Variants in TMEM132D observed in about 807,000 individuals in gnomAD.
The protein encoded by TMEM132D is transmembrane protein 132D.
Under a neutral mutation model 62.3 loss-of-function variants are expected in TMEM132D, and 21 were observed. That is an observed-to-expected ratio of 0.34 (90% CI 0.24 to 0.49). The LOEUF (loss-of-function observed/expected upper bound fraction) is 0.49, where lower values mean the gene tolerates loss of function less well. Among genes scored for constraint, TMEM132D ranks in the 20% least tolerant of loss-of-function variants. The pLI, the probability that TMEM132D is intolerant of heterozygous loss-of-function variation, is 0.99. For synonymous variants in TMEM132D, 621 were observed against 575.6 expected, an observed-to-expected ratio of 1.08 and a Z score of -1.13; for missense variants, 1,346 against 1,402.8, an observed-to-expected ratio of 0.96 and a Z score of 0.65.
chr12:129,525,774 C>T (rs1876015279), intron 3 of TMEM132D, among the ~76,000 whole-genome samples: 1 of 152,198 alleles, frequency 6.6e-6, no homozygotes, highest in East Asian at 1.9e-4. Context: ...ATCACATTTT[C>T]TGGATCTCAC....
At chr12:129,650,117 A>G (rs1285734218) in intron 2 of TMEM132D, among the ~76,000 whole-genome samples, 1 of 152,212 alleles carries the variant, frequency 6.6e-6, no homozygotes, top group Non-Finnish European at 1.5e-5. Flanking sequence ...CCTGCCACTT[A>G]TACAGATACA....
chr12:129,219,888 C>A (rs933833385), intron 4 of TMEM132D, among the ~76,000 whole-genome samples: 3 of 152,164 alleles, frequency 2.0e-5, no homozygotes, highest in African/African-American at 7.2e-5. Flanking sequence ...AGGGAGCTGG[C>A]CTTGCACCTT....
intron 1 of TMEM132D, among the ~76,000 whole-genome samples, chr12:129,730,897 G>C (rs1157695179): frequency 6.6e-6 from 1 of 151,932 alleles, no homozygotes; most frequent in Non-Finnish European, 1.5e-5. Flanking sequence ...CTGTGCTGTT[G>C]GTTTCCCTAC....
intron 1 of TMEM132D, among the ~76,000 whole-genome samples, chr12:129,883,434 A>G (rs568379685): frequency 3.9e-5 from 6 of 152,314 alleles, no homozygotes; most frequent in Admixed American, 2.0e-4. Context: ...ATTATTATTA[A>G]GATGGCAGTT....
chr12:129,157,625 A>T (rs966813510), intron 5 of TMEM132D, among the ~76,000 whole-genome samples: 1 of 152,250 alleles, frequency 6.6e-6, no homozygotes, highest in Non-Finnish European at 1.5e-5. Flanking sequence ...ATGAAACACA[A>T]ATTATATAAA....
At chr12:129,297,586 T>C (rs139038372) in intron 4 of TMEM132D, among the ~76,000 whole-genome samples, 178 of 152,240 alleles carry the variant, frequency 1.2e-3, no homozygotes, top group African/African-American at 3.9e-3. Context: ...TCCTTTCCAG[T>C]TTAAGGTGCT....
chr12:129,558,611 G>T (rs958801316), intron 2 of TMEM132D, among the ~76,000 whole-genome samples: 1 of 152,132 alleles, frequency 6.6e-6, no homozygotes, highest in Non-Finnish European at 1.5e-5. Context: ...TTGGCAGACC[G>T]TAACCCAGGA....
intron 3 of TMEM132D, among the ~76,000 whole-genome samples, chr12:129,426,880 C>A (rs752227447): frequency 1.3e-5 from 2 of 152,162 alleles, no homozygotes; most frequent in Non-Finnish European, 2.9e-5. Context: ...GCCTTCAAAG[C>A]GCATGTGTTA....
At chr12:129,848,801 C>T (rs1369772466) in intron 1 of TMEM132D, among the ~76,000 whole-genome samples, 1 of 152,190 alleles carries the variant, frequency 6.6e-6, no homozygotes, top group African/African-American at 2.4e-5. Flanking sequence ...GTTCAGGTCC[C>T]ATCAGCACAT....
At chr12:129,269,916 C>T (rs896230998) in intron 4 of TMEM132D, among the ~76,000 whole-genome samples, 1 of 152,062 alleles carries the variant, frequency 6.6e-6, no homozygotes, top group East Asian at 1.9e-4. Flanking sequence ...GCAATGCAAC[C>T]AAGGCGTCTG....
intron 3 of TMEM132D, among the ~76,000 whole-genome samples, chr12:129,497,920 G>A (rs1478688982): frequency 2.0e-5 from 3 of 151,872 alleles, no homozygotes; most frequent in South Asian, 2.1e-4. Flanking sequence ...CTCCACTTCC[G>A]AAAGGGCTAA....
intron 2 of TMEM132D, among the ~76,000 whole-genome samples, chr12:129,539,864 G>A (rs1164316361): frequency 3.3e-5 from 5 of 152,202 alleles, no homozygotes; most frequent in Middle Eastern, 3.4e-3. Context: ...AGCCAGAAAC[G>A]GGCTAGCCAC....
rs1376659962 is a variant in TMEM132D, at chr12:129,073,718, C to T, written c.*157G>A. On this transcript the variant is annotated 3_prime_UTR_variant, in exon 9 of 9. Coordinates refer to ENST00000422113, the MANE Select transcript of TMEM132D (RefSeq NM_133448.3). ...GTGTGCGTCGATGCGGACTCCAGGC[C>T]TCGCCGCCGAGCCGGGGTCATTGGC... 2 of 635,592 alleles carry T rather than the reference C, an allele frequency of 3.1e-6. No homozygotes were observed. The highest frequency in any genetic ancestry group is 4.4e-4 in the Middle Eastern group (1 of 2,290). 39.4% of individuals were successfully genotyped at this position (635,592 alleles called of 1,614,324 possible). A position where few individuals can be genotyped will look rare whatever the true frequency, so the allele number is the denominator to read the frequency against.
At chr12:129,843,612 G>A (rs1873267517) in intron 1 of TMEM132D, among the ~76,000 whole-genome samples, 1 of 152,162 alleles carries the variant, frequency 6.6e-6, no homozygotes, top group South Asian at 2.1e-4. Flanking sequence ...TGTACGAGCG[G>A]AAACAGGGAC....
At chr12:129,828,343 T>C (rs1872716057) in intron 1 of TMEM132D, among the ~76,000 whole-genome samples, 1 of 152,156 alleles carries the variant, frequency 6.6e-6, no homozygotes, top group Non-Finnish European at 1.5e-5. Flanking sequence ...AATGTTATAT[T>C]GCATACATTT....
intron 2 of TMEM132D, among the ~76,000 whole-genome samples, chr12:129,606,013 G>C (rs997501590): frequency 6.6e-6 from 1 of 151,936 alleles, no homozygotes; most frequent in African/African-American, 2.4e-5. Context: ...CCATTGAGGT[G>C]GAACAAGAAC....
chr12:129,881,444 G>A (rs1874592701), intron 1 of TMEM132D, among the ~76,000 whole-genome samples: 1 of 151,594 alleles, frequency 6.6e-6, no homozygotes, highest in Admixed American at 6.6e-5. Flanking sequence ...ACTGCATTCT[G>A]GAAAACTGAA....
intron 1 of TMEM132D, among the ~76,000 whole-genome samples, chr12:129,788,221 G>A (rs1455340026): frequency 6.6e-6 from 1 of 152,178 alleles, no homozygotes; most frequent in Non-Finnish European, 1.5e-5. Context: ...CCTGGAATTG[G>A]ACTTTCCTGA....
At chr12:129,692,063 G>C (rs573217574) in intron 2 of TMEM132D, among the ~76,000 whole-genome samples, 6 of 151,890 alleles carry the variant, frequency 4.0e-5, no homozygotes. Context: ...CACTCTCTCC[G>C]AGCAAGCAGA....
Sources: gnomAD v4.1 joint callset for allele counts (sites outside exome capture counted in the v4.1 genomes callset) on GRCh38, gnomAD v4.1.1 for gene constraint, MANE v1.5 for transcripts, NCBI Gene and HGNC (gene_info 2026-07-23, HGNC 2026-07-21) for gene names.